PRKN: variants seen among roughly 807,000 people sequenced by gnomAD.
PRKN encodes the protein parkin RBR E3 ubiquitin protein ligase, also known as E3 ubiquitin-protein ligase parkin.
In PRKN, 56 loss-of-function variants were observed where a neutral mutation model predicts 59.5. That is an observed-to-expected ratio of 0.94 (90% CI 0.76 to 1.18). The LOEUF is 1.18. PRKN is among the 50% of genes most tolerant of loss of function. The pLI is 0.00. For synonymous variants in PRKN, 250 were observed against 222.1 expected (o/e 1.13, Z -1.12); for missense variants, 657 against 596.4 (o/e 1.10, Z -1.06).
intron 4 of PRKN, among the ~76,000 whole-genome samples, chr6:162,196,120 G>T (rs1784485652): frequency 6.6e-6 from 1 of 152,164 alleles, no homozygotes; most frequent in South Asian, 2.1e-4. Context: ...GACAATGATA[G>T]TAGCAAGGGA....
At chr6:161,623,638 T>C (rs1196575044) in intron 7 of PRKN, among the ~76,000 whole-genome samples, 2 of 152,214 alleles carry the variant, frequency 1.3e-5, no homozygotes, top group African/African-American at 4.8e-5. Flanking sequence ...CTTTTTAATC[T>C]GAAAGTCATG....
intron 9 of PRKN, among the ~76,000 whole-genome samples, chr6:161,422,023 T>C (rs1319479299): frequency 6.6e-6 from 1 of 152,116 alleles, no homozygotes; most frequent in Non-Finnish European, 1.5e-5. Context: ...GTTATCATTA[T>C]AGAAACATAA....
At chr6:162,602,895 G>A (rs1486249625) in intron 1 of PRKN, among the ~76,000 whole-genome samples, 2 of 152,166 alleles carry the variant, frequency 1.3e-5, no homozygotes, top group Admixed American at 6.6e-5. Context: ...TGGCGATGCA[G>A]AAAGTAAGAG....
At chr6:162,379,242 C>A (rs1008915718) in intron 2 of PRKN, among the ~76,000 whole-genome samples, 6 of 152,054 alleles carry the variant, frequency 3.9e-5, no homozygotes, top group African/African-American at 1.4e-4. Flanking sequence ...GGCTGGATAC[C>A]AGCATTTACA....
At chr6:162,213,848 CACACACACACATAT>C (rs1777519614) in intron 3 of PRKN, among the ~76,000 whole-genome samples, 1 of 111,148 alleles carries the variant, frequency 9.0e-6, no homozygotes, top group East Asian at 4.3e-4. Context: ...CACACACACA[CACACACACACATAT>C]GAATAGTAAG....
At chr6:162,071,544 G>A (rs557833520) in intron 4 of PRKN, among the ~76,000 whole-genome samples, 110 of 151,958 alleles carry the variant, frequency 7.2e-4, no homozygotes, top group African/African-American at 2.4e-3. Context: ...CATGGGCATG[G>A]GCAGACAGTA....
chr6:162,490,338 C>A (rs1358004504), intron 1 of PRKN, among the ~76,000 whole-genome samples: 1 of 152,060 alleles, frequency 6.6e-6, no homozygotes, highest in Non-Finnish European at 1.5e-5. Context: ...GAAAAGCAAC[C>A]AACATTTAAC....
chr6:161,884,996 T>C (rs934251534), intron 6 of PRKN, among the ~76,000 whole-genome samples: 2 of 151,760 alleles, frequency 1.3e-5, no homozygotes, highest in African/African-American at 4.8e-5. Flanking sequence ...AAAAATGCTA[T>C]CTGTAGTTTA....
At chr6:162,258,563 T>G (rs1448032537) in intron 3 of PRKN, among the ~76,000 whole-genome samples, 1 of 152,184 alleles carries the variant, frequency 6.6e-6, no homozygotes, top group Admixed American at 6.5e-5. Flanking sequence ...GACCATATTT[T>G]AAGGAATACT....
chr6:161,708,661 T>C (rs1562623215), intron 7 of PRKN, among the ~76,000 whole-genome samples: 1 of 152,208 alleles, frequency 6.6e-6, no homozygotes, highest in East Asian at 1.9e-4. Context: ...TTCTATGTTC[T>C]GCATTTTATG....
chr6:161,996,838 G>GT (rs148176858), intron 5 of PRKN, among the ~76,000 whole-genome samples: 2,964 of 151,894 alleles, frequency 0.02, 102 homozygotes, highest in African/African-American at 0.068. Context: ...GGGGAAAAAC[G>GT]TTTTATTTTT....
At chr6:162,017,341 G>A (rs1358455322) in intron 5 of PRKN, among the ~76,000 whole-genome samples, 1 of 152,102 alleles carries the variant, frequency 6.6e-6, no homozygotes, top group Non-Finnish European at 1.5e-5. Flanking sequence ...GTTACAATGA[G>A]GAAAATGACC....
rs1174302901 is a variant in PRKN at position 162,727,709 on chromosome 6, C to G, written c.-41G>C. 9 of 1,558,018 alleles carry G rather than the reference C, an allele frequency of 5.8e-6. No individual in the cohort carries two copies. The South Asian group carries it at 7.1e-5, about 12-fold the overall frequency. ...GGCGGCTGCGGGCCAGGAACAGGCC[C>G]ATGCGCGCAGCGGCGCCAGCCGCGC... On this transcript the variant is annotated 5_prime_UTR_variant, in exon 1 of 12. The change abolishes an upstream ATG in the 5' untranslated region. Transcript: ENST00000366898.
chr6:161,566,079 G>T lies in PRKN; in HGVS notation c.933+3276C>A, dbSNP rs532671063. Reference sequence around the variant, plus strand: ...TGCTGCAATTTTTCCCATTAAGAAGGTCATTTTCTTATCTCCATCCCTCAG... The same window carrying T: ...TGCTGCAATTTTTCCCATTAAGAAGTTCATTTTCTTATCTCCATCCCTCAG... On this transcript the variant is annotated intron_variant, in intron 8 of 11. Coordinates refer to ENST00000366898, the MANE Select transcript of PRKN (RefSeq NM_004562.3). The surrounding 1 kb of genome is among the most constrained non-coding windows in gnomAD (Gnocchi z 4.1). Among the ~76,000 whole-genome samples, 99 of 152,252 alleles carry T rather than the reference G, an allele frequency of 6.5e-4. No homozygotes were observed. The highest frequency in any genetic ancestry group is 2.0e-3 in the African/African-American group (83 of 41,542).
chr6:161,722,510 G>A (rs1018591778), intron 7 of PRKN, among the ~76,000 whole-genome samples: 25 of 152,052 alleles, frequency 1.6e-4, no homozygotes, highest in African/African-American at 6.0e-4. Context: ...ACATAACCCT[G>A]GCTACATATC....
chr6:162,339,279 C>G (rs868084235), intron 2 of PRKN, among the ~76,000 whole-genome samples: 1 of 138,892 alleles, frequency 7.2e-6, no homozygotes, highest in African/African-American at 2.6e-5. Flanking sequence ...CCGCCCCGTC[C>G]GGGAGGGAGG....
intron 4 of PRKN, among the ~76,000 whole-genome samples, chr6:162,193,229 A>T (rs1415151307): frequency 6.6e-6 from 1 of 152,216 alleles, no homozygotes; most frequent in Non-Finnish European, 1.5e-5. Flanking sequence ...ATAAAATCTT[A>T]ATTCTAAAAT....
chr6:162,618,082 AGT>A (rs1250546241), intron 1 of PRKN, among the ~76,000 whole-genome samples: 1 of 152,150 alleles, frequency 6.6e-6, no homozygotes. Context: ...TTCTTTCTTT[AGT>A]GTCTTTATAC....
intron 7 of PRKN, among the ~76,000 whole-genome samples, chr6:161,724,682 T>C (rs1421511580): frequency 6.6e-6 from 1 of 152,164 alleles, no homozygotes; most frequent in East Asian, 1.9e-4. Flanking sequence ...GGGTGAAAAA[T>C]ATGAACACAT....
Sources: allele counts gnomAD v4.1 joint callset (sites outside exome capture counted in the v4.1 genomes callset), GRCh38; gene constraint gnomAD v4.1.1; non-coding constraint Gnocchi (gnomAD v3.1); transcripts MANE v1.5; gene names NCBI Gene and HGNC (gene_info 2026-07-23, HGNC 2026-07-21).